NTM: variants seen among roughly 807,000 people sequenced by gnomAD.
The protein encoded by NTM is IgLON family member 2.
A neutral mutation model predicts 42.1 loss-of-function variants in NTM; 13 were observed. The ratio of observed to expected loss-of-function variants is 0.31; its 90% CI spans 0.20 to 0.49. The LOEUF is 0.49. NTM is among the 20% of genes least tolerant of loss of function. The probability of loss-of-function intolerance (pLI) is 0.99; values close to 1 mark genes in which losing one functional copy is unlikely to be tolerated. For synonymous variants in NTM, 187 were observed against 179.2 expected, an observed-to-expected ratio of 1.04 and a Z score of -0.35; for missense variants, 373 against 452.8, an observed-to-expected ratio of 0.82 and a Z score of 1.60.
chr11:131,503,412 C>T (rs540740386), intron 1 of NTM, among the ~76,000 whole-genome samples: 1 of 152,196 alleles, frequency 6.6e-6, no homozygotes, highest in Admixed American at 6.5e-5. Flanking sequence ...GAAGTGAGGT[C>T]CTCACCGAGG....
At chr11:132,264,095 C>T (rs2093033013) in intron 4 of NTM, among the ~76,000 whole-genome samples, 1 of 152,172 alleles carries the variant, frequency 6.6e-6, no homozygotes, top group Non-Finnish European at 1.5e-5. Context: ...TCCATAAAGG[C>T]TATGTCAATT....
chr11:131,845,071 G>T (rs2044736678), intron 1 of NTM, among the ~76,000 whole-genome samples: 1 of 152,116 alleles, frequency 6.6e-6, no homozygotes, highest in Non-Finnish European at 1.5e-5. Context: ...TATTAAATAG[G>T]AAATTTGCCA....
intron 3 of NTM, among the ~76,000 whole-genome samples, chr11:132,171,389 C>T (rs910126327): frequency 1.3e-5 from 2 of 152,184 alleles, no homozygotes; most frequent in Non-Finnish European, 2.9e-5. Context: ...AAGGTTCTGG[C>T]AGATTTGGTG....
chr11:132,070,660 T>A (rs1468786683), intron 2 of NTM, among the ~76,000 whole-genome samples: 1 of 137,152 alleles, frequency 7.3e-6, no homozygotes, highest in Non-Finnish European at 1.6e-5. Flanking sequence ...ACAGGTTAGT[T>A]AACACGTCAC....
chr11:131,684,005 T>C (rs1376168824), intron 1 of NTM, among the ~76,000 whole-genome samples: 3 of 152,222 alleles, frequency 2.0e-5, no homozygotes, highest in Non-Finnish European at 4.4e-5. Context: ...TGCTTTGGAG[T>C]TCAGCAGAGT....
At chr11:132,055,622 G>GGTGTGT (rs1422268369) in intron 2 of NTM, among the ~76,000 whole-genome samples, 3 of 151,446 alleles carry the variant, frequency 2.0e-5, no homozygotes, top group Admixed American at 1.3e-4. Flanking sequence ...CAAGCAAAGA[G>GGTGTGT]GTGTGTGTGC....
chr11:131,932,373 A>G (rs1207396201), intron 2 of NTM, among the ~76,000 whole-genome samples: 1 of 152,228 alleles, frequency 6.6e-6, no homozygotes, highest in Non-Finnish European at 1.5e-5. Flanking sequence ...CAACAAAAAC[A>G]TGCATTATTT....
chr11:132,318,242 CT>C (rs891243550), intron 7 of NTM, among the ~76,000 whole-genome samples: 1 of 152,160 alleles, frequency 6.6e-6, no homozygotes, highest in African/African-American at 2.4e-5. Context: ...GCTCTTTGGT[CT>C]TGGGTGACTC....
At chr11:131,457,718 T>C (rs777635662) in intron 1 of NTM, among the ~76,000 whole-genome samples, 1 of 148,180 alleles carries the variant, frequency 6.7e-6, no homozygotes, top group Non-Finnish European at 1.5e-5. Flanking sequence ...AATGTTTTTG[T>C]CCTCCCCCCC....
At chr11:131,476,633 A>G (rs1299277617) in intron 1 of NTM, among the ~76,000 whole-genome samples, 1 of 152,176 alleles carries the variant, frequency 6.6e-6, no homozygotes, top group African/African-American at 2.4e-5. Context: ...AGCTGCCCCT[A>G]TAAAGGATTT....
chr11:132,329,834 G>A (rs118108822), intron 7 of NTM, among the ~76,000 whole-genome samples: 1 of 152,364 alleles, frequency 6.6e-6, no homozygotes, highest in East Asian at 1.9e-4. Context: ...CTCCAAAGGT[G>A]CAGCTGTGTC....
chr11:131,830,638 C>T (rs1159421413), intron 1 of NTM, among the ~76,000 whole-genome samples: 1 of 152,064 alleles, frequency 6.6e-6, no homozygotes, highest in Non-Finnish European at 1.5e-5. Flanking sequence ...CTTAGGATTG[C>T]TTTGGCTATT....
chr11:131,608,750 C>T (rs994270791), intron 1 of NTM, among the ~76,000 whole-genome samples: 2 of 152,124 alleles, frequency 1.3e-5, no homozygotes, highest in Non-Finnish European at 2.9e-5. Flanking sequence ...GTCTCTATTG[C>T]TCTCTCTCTT....
At chr11:131,879,827 A>T (rs1341469312) in intron 1 of NTM, among the ~76,000 whole-genome samples, 1 of 152,136 alleles carries the variant, frequency 6.6e-6, no homozygotes, top group South Asian at 2.1e-4. Context: ...CCTAGATTCC[A>T]TATATAGTCT....
chr11:131,630,544 C>T (rs2063550895), intron 1 of NTM, among the ~76,000 whole-genome samples: 1 of 152,122 alleles, frequency 6.6e-6, no homozygotes, highest in Non-Finnish European at 1.5e-5. Flanking sequence ...AAAGTATTTC[C>T]TCTTCCCTCT....
At chr11:131,850,160 G>A (rs2045369275) in intron 1 of NTM, among the ~76,000 whole-genome samples, 1 of 151,994 alleles carries the variant, frequency 6.6e-6, no homozygotes, top group Non-Finnish European at 1.5e-5. Context: ...TCCATTGACA[G>A]GTAAAATGCA....
chr11:132,158,487 GT>G, intron 3 of NTM, among the ~76,000 whole-genome samples: 1 of 152,316 alleles, frequency 6.6e-6, no homozygotes, highest in African/African-American at 2.4e-5. Context: ...GGATATTTCC[GT>G]GTTGGAGAGT....
At chr11:132,136,625 C>T (rs551224831) in intron 2 of NTM, among the ~76,000 whole-genome samples, 16 of 152,286 alleles carry the variant, frequency 1.1e-4, no homozygotes, top group Admixed American at 3.3e-4. Flanking sequence ...CTGCCCAGTT[C>T]GCACACATGG....
In NTM at chr11:132,002,051, G is replaced by A. The variant is rs969515888; in HGVS notation, c.167+90403G>A. ...GGCAGGGACAGCCAAAGAGGAATCA[G>A]AATCAGTTAATGAATTAGGCTCACA... On this transcript the variant is annotated intron_variant, in intron 2 of 8. Coordinates refer to ENST00000683400, the MANE Select transcript of NTM (RefSeq NM_001352005.2). This position sits in a 1 kb window ranked among gnomAD's most constrained non-coding sequence, Gnocchi z 4.5. Among the ~76,000 whole-genome samples the A allele has an allele frequency of 3.3e-5, 5 of 152,166 alleles. No individual in the cohort carries two copies. The highest frequency in any genetic ancestry group is 1.2e-4 in the African/African-American group (5 of 41,450).
Sources: allele counts gnomAD v4.1 joint callset (sites outside exome capture counted in the v4.1 genomes callset), GRCh38; gene constraint gnomAD v4.1.1; non-coding constraint Gnocchi (gnomAD v3.1); transcripts MANE v1.5; gene names NCBI Gene and HGNC (gene_info 2026-07-23, HGNC 2026-07-21).